The following LRRC66 variants were observed in gnomAD, a reference collection of about 807,000 sequenced individuals.
LRRC66 encodes leucine rich repeat containing 66, also known as leucine-rich repeat-containing protein 66.
In LRRC66, 29 loss-of-function variants were observed where a neutral mutation model predicts 24.6. That is an observed-to-expected ratio of 1.18 (90% confidence interval 0.88 to 1.61). LRRC66 has a LOEUF of 1.61. Among genes scored for constraint, LRRC66 ranks in the 40% most tolerant of loss-of-function variants. The probability of loss-of-function intolerance (pLI) is 0.00; values close to 1 mark genes in which losing one functional copy is unlikely to be tolerated. For synonymous variants in LRRC66, 411 were observed against 397.6 expected (o/e 1.03, Z -0.40); for missense variants, 1,124 against 1,058.0 (o/e 1.06, Z -0.87).
chr4:52,006,296 C>T (rs1020233440), intron 2 of LRRC66, among the ~76,000 whole-genome samples: 2 of 152,032 alleles, frequency 1.3e-5, no homozygotes, highest in African/African-American at 4.8e-5. Context: ...GACTTGGAAC[C>T]AACCCAAATG....
chr4:51,997,413 T>G (rs1736345221), intron 4 of LRRC66, among the ~76,000 whole-genome samples: 1 of 152,244 alleles, frequency 6.6e-6, no homozygotes, highest in Admixed American at 6.5e-5. Flanking sequence ...AATTCTTGTC[T>G]AATGCCAACA....
Position 51,996,019 on chromosome 4 carries a change from GA to G in LRRC66, c.1002del (p.Leu335TrpfsTer115). On this transcript the variant is annotated frameshift_variant, in exon 5 of 5. Transcript: ENST00000682860. LOFTEE classifies it low-confidence loss of function (END_TRUNC). The stretch of plus-strand genomic sequence containing the variant: ...GAGCCGGCCTTTGCCTTCTTCCCCA[GA>G]GTAGAAATGCCCGTGTGCCTTCCTC... ...PQGGRHTGISTLGKKAKAGSG... is the reference protein window; with the variant it reads ...PQGGRHTGISXLGKKAKAGSG... 2 of 1,613,908 alleles carry G rather than the reference GA, an allele frequency of 1.2e-6. No homozygotes were observed. The highest frequency in any genetic ancestry group is 1.7e-6 in the Non-Finnish European group (2 of 1,179,958).
intron 2 of LRRC66, among the ~76,000 whole-genome samples, chr4:52,010,574 A>G (rs1736677989): frequency 6.6e-6 from 1 of 152,140 alleles, no homozygotes; most frequent in Non-Finnish European, 1.5e-5. Context: ...AAGCGAGAAT[A>G]TATTACTTTG....
At chr4:52,003,517 G>A in intron 2 of LRRC66, 125 bp from the exon 3 acceptor site, 3 of 713,040 alleles carry the variant, frequency 4.2e-6, no homozygotes, top group South Asian at 1.9e-5. Context: ...AACAACGTAT[G>A]GTATATTAAT....
chr4:52,009,797 T>G (rs1736661797), intron 2 of LRRC66, among the ~76,000 whole-genome samples: 1 of 152,076 alleles, frequency 6.6e-6, no homozygotes, highest in Non-Finnish European at 1.5e-5. Context: ...AACAAACACT[T>G]CCAGAAGACG....
In LRRC66 at chr4:51,999,508, A is replaced by G. The variant is rs74449694; in HGVS notation, c.667-1571T>C. 5.8e-3 allele frequency among the ~76,000 whole-genome samples: 890 copies of G among 152,298 alleles called. 6 individuals are homozygous for G. The highest frequency in any genetic ancestry group is 0.02 in the African/African-American group (843 of 41,566). On this transcript the variant is annotated intron_variant, in intron 3 of 4. Coordinates refer to ENST00000682860, the MANE Select transcript of LRRC66 (RefSeq NM_001024611.3). ...GAGACTGTGGGATTGGAAAGAAAAA[A>G]TACTTAGCTTTAGTCTGGTCTTGGT...
At chr4:52,012,532 C>T (rs1196760282) in intron 2 of LRRC66, among the ~76,000 whole-genome samples, 1 of 152,082 alleles carries the variant, frequency 6.6e-6, no homozygotes, top group Non-Finnish European at 1.5e-5. Flanking sequence ...TTGCATGGTA[C>T]TTGACTGCAC....
chr4:52,012,117 G>A (rs762932841), intron 2 of LRRC66, among the ~76,000 whole-genome samples: 2 of 152,082 alleles, frequency 1.3e-5, no homozygotes, highest in Non-Finnish European at 2.9e-5. Flanking sequence ...AACCCGGGAG[G>A]TGGAGGTTGT....
rs1736250518 is a variant in LRRC66 at position 51,994,712 on chromosome 4, T to C, written c.2310A>G (p.Glu770=). 6.2e-7 allele frequency: 1 copy of C among 1,614,212 alleles called. No homozygotes were observed. Among genetic ancestry groups the C allele is most frequent in the Non-Finnish European group, 8.5e-7 (1 of 1,180,028 alleles). ...QTIPGKCKNQ[E]DPFEKPLISA... is the part of the protein sequence containing the mutation. Reference sequence around the variant, plus strand: ...AAATGAGAGGTTTTTCAAAGGGATCTTCTTGATTCTTGCATTTCCCTGGAA... The same window carrying C: ...AAATGAGAGGTTTTTCAAAGGGATCCTCTTGATTCTTGCATTTCCCTGGAA... Residue 770 remains glutamate (E), a synonymous_variant, in exon 5 of 5, where the codon GAA becomes GAG. Transcript: ENST00000682860.
chr4:52,008,852 T>C (rs1019657385), intron 2 of LRRC66, among the ~76,000 whole-genome samples: 7 of 152,138 alleles, frequency 4.6e-5, no homozygotes, highest in Non-Finnish European at 8.8e-5. Context: ...TTTATGTAGG[T>C]TAAATATTTT....
chr4:51,995,827 GC>G lies in LRRC66; in HGVS notation c.1194del (p.Arg398SerfsTer52). ...LVAFSLGAFT[R>X]PYVDRLWQKK... Reference sequence around the variant, plus strand: ...TTTTGCCACAGTCTGTCAACATAAGGCCTTGTGAAAGCCCCCAGGCTGAAGG... The same window carrying G: ...TTTTGCCACAGTCTGTCAACATAAGGCTTGTGAAAGCCCCCAGGCTGAAGG... On this transcript the variant is annotated frameshift_variant, in exon 5 of 5. Coordinates refer to ENST00000682860, the MANE Select transcript of LRRC66 (RefSeq NM_001024611.3). LOFTEE classifies it low-confidence loss of function (END_TRUNC). 1 of 1,614,144 alleles carries G rather than the reference GC, an allele frequency of 6.2e-7. No individual in the cohort carries two copies. The highest frequency in any genetic ancestry group is 8.5e-7 in the Non-Finnish European group (1 of 1,180,022).
At chr4:51,999,037 C>T (rs951710340) in intron 3 of LRRC66, among the ~76,000 whole-genome samples, 2 of 152,156 alleles carry the variant, frequency 1.3e-5, no homozygotes, top group African/African-American at 4.8e-5. Context: ...CCTTCCAATG[C>T]AGAACATACC....
intron 1 of LRRC66, among the ~76,000 whole-genome samples, chr4:52,019,356 T>C (rs1056211280): frequency 1.4e-5 from 2 of 147,018 alleles, no homozygotes; most frequent in African/African-American, 4.9e-5. Flanking sequence ...TGTTCTGAAC[T>C]CCCAAAAAAA....
In LRRC66 at chr4:51,995,477, G is replaced by T; in HGVS notation, c.1545C>A (p.Ala515=). 6.2e-7 allele frequency: 1 copy of T among 1,614,086 alleles called. No homozygotes were observed. Among genetic ancestry groups the T allele is most frequent in the Non-Finnish European group, 8.5e-7 (1 of 1,180,018 alleles). The part of the protein sequence containing the change: ...VYSILQRHPH[A]GNRELMSAAQ... ...CTGCTGACATTAGTTCACGGTTACC[G>T]GCATGTGGATGTCTCTGGAGAATGG... The change falls in exon 5 of 5, where the codon GCC becomes GCA. Residue 515 remains alanine, a synonymous_variant. Transcript: ENST00000682860.
Position 51,995,627 on chromosome 4 carries a change from T to A in LRRC66, c.1395A>T (p.Pro465=), listed in dbSNP as rs1333068556. Residue 465 remains proline, a synonymous_variant, in exon 5 of 5, where the codon CCA becomes CCT. Coordinates refer to ENST00000682860, the MANE Select transcript of LRRC66 (RefSeq NM_001024611.3). The part of the protein sequence containing the change: ...QTPFWVTQPH[P]HATVIPDRTL... ...TTCTATCAGGAATTACGGTGGCGTG[T>A]GGGTGTGGCTGTGTCACCCAGAAAG... 1.2e-6 allele frequency: 2 copies of A among 1,614,120 alleles called. No individual in the cohort carries two copies. Among genetic ancestry groups the A allele is most frequent in the South Asian group, 2.2e-5 (2 of 91,058 alleles).
rs1736303981 is a variant in LRRC66, at chr4:51,995,959, T to C, written c.1063A>G (p.Ser355Gly). The C allele has an allele frequency of 2.5e-6, 4 of 1,613,942 alleles. No homozygotes were observed. Among genetic ancestry groups the C allele is most frequent in the Non-Finnish European group, 3.4e-6 (4 of 1,179,972 alleles). Residue 355 changes from serine (S) to glycine (G), a missense_variant, in exon 5 of 5, where the codon AGT (serine) becomes GGT (glycine). By Grantham distance (56) the Ser-to-Gly change is moderately conservative (BLOSUM62 0). Transcript: ENST00000682860. ...TGCACATCGCGGGTGCTTCTAACAC[T>C]CCTTGGCAGCCGTCTCTGCTTCTTC... ...LRKKQRRLPR[S>G]VRSTRDVQAA... is the part of the protein sequence containing the mutation.
chr4:51,994,373 AGATTCTTATTTTAAAATGTCT>A lies in LRRC66; in HGVS notation c.2628_*5del. ...GAGCTGTGAATATTTCCTTAATGAA[AGATTCTTATTTTAAAATGTCT>A]GAGTCTCTTTCATGGAAGGCAGCCT... On this transcript the variant is annotated stop_lost and 3_prime_UTR_variant, in exon 5 of 5. Coordinates refer to ENST00000682860, the MANE Select transcript of LRRC66 (RefSeq NM_001024611.3). 1 of 1,598,588 alleles carries A rather than the reference AGATTCTTATTTTAAAATGTCT, an allele frequency of 6.3e-7. No individual in the cohort carries two copies. The highest frequency in any genetic ancestry group is 8.5e-7 in the Non-Finnish European group (1 of 1,173,298).
chr4:52,019,701 C>A (rs1367967718), intron 1 of LRRC66, among the ~76,000 whole-genome samples: 2 of 152,078 alleles, frequency 1.3e-5, no homozygotes, highest in African/African-American at 2.4e-5. Context: ...AAGCTGAGAT[C>A]ATTATATATA....
rs919323962 is a variant in LRRC66 at position 52,018,626 on chromosome 4, T to C, written c.-5-1008A>G. ...CATCCTAGGTGACTCCAAAGGATTA[T>C]TTTCCTACAATAACGTATTTCCTAT... On this transcript the variant is annotated intron_variant, in intron 1 of 4. Coordinates refer to ENST00000682860, the MANE Select transcript of LRRC66 (RefSeq NM_001024611.3). 1.3e-5 allele frequency: 13 copies of C among 977,974 alleles called. No individual in the cohort carries two copies. In the African/African-American group the frequency reaches 2.1e-4, roughly 16 times the overall value. The allele number at this position is 977,974 out of a possible 1,614,324, so 60.6% of individuals were successfully genotyped here.
Sources: allele counts gnomAD v4.1 joint callset (sites outside exome capture counted in the v4.1 genomes callset), GRCh38; gene constraint gnomAD v4.1.1; transcripts MANE v1.5; gene names NCBI Gene and HGNC (gene_info 2026-07-23, HGNC 2026-07-21).